PKHD1: variants seen among roughly 807,000 people sequenced by gnomAD.
The protein encoded by PKHD1 is fibrocystin.
A neutral mutation model predicts 412.0 loss-of-function variants in PKHD1; 291 were observed. The observed-to-expected ratio is 0.71, with a 90% CI of 0.64 to 0.78. PKHD1 has a LOEUF of 0.78. PKHD1 is among the 30% of genes least tolerant of loss of function. The probability of loss-of-function intolerance (pLI) is 0.00; values close to 1 mark genes in which losing one functional copy is unlikely to be tolerated. For missense variants in PKHD1, 4,825 were observed against 4,950.7 expected, an observed-to-expected ratio of 0.97 and a Z score of 0.76; for synonymous variants, 1,777 against 1,821.5, an observed-to-expected ratio of 0.98 and a Z score of 0.62.
intron 63 of PKHD1, among the ~76,000 whole-genome samples, chr6:51,640,903 T>C (rs1769260541): frequency 6.6e-6 from 1 of 152,186 alleles, no homozygotes. Flanking sequence ...GCCTTTTCAC[T>C]GAGGAGGGTC....
intron 36 of PKHD1, among the ~76,000 whole-genome samples, chr6:51,951,268 T>C (rs368607151): frequency 2.0e-5 from 3 of 152,126 alleles, no homozygotes; most frequent in African/African-American, 7.2e-5. Flanking sequence ...AGCTGTTCCA[T>C]GGCTTTCTAA....
intron 50 of PKHD1, among the ~76,000 whole-genome samples, chr6:51,838,917 G>T (rs1337934412): frequency 1.3e-5 from 2 of 152,210 alleles, no homozygotes. Context: ...CATGGAACAT[G>T]CTTAGCACAG....
chr6:51,984,630 A>G (rs1195976310), intron 35 of PKHD1, among the ~76,000 whole-genome samples: 1 of 152,232 alleles, frequency 6.6e-6, no homozygotes, highest in East Asian at 1.9e-4. Flanking sequence ...TCAGTATGAA[A>G]TTCAGAACTG....
intron 52 of PKHD1, among the ~76,000 whole-genome samples, chr6:51,824,912 G>C (rs1767067429): frequency 6.6e-6 from 1 of 152,104 alleles, no homozygotes; most frequent in South Asian, 2.1e-4. Flanking sequence ...TTGGAGAGTT[G>C]ACAAATACCA....
chr6:51,627,147 T>C, intron 65 of PKHD1, 31 bp from the exon 66 acceptor site: 1 of 1,596,760 alleles, frequency 6.3e-7, no homozygotes, highest in Non-Finnish European at 8.5e-7. Flanking sequence ...AAGGATTTTT[T>C]TGTTCAGTTG....
chr6:51,666,287 T>TA (rs1384793140), intron 60 of PKHD1, among the ~76,000 whole-genome samples: 1 of 152,170 alleles, frequency 6.6e-6, no homozygotes, highest in African/African-American at 2.4e-5. Flanking sequence ...ACAAACATGA[T>TA]AAAATCTAGG....
At chr6:51,643,564 A>G (rs971370256) in intron 63 of PKHD1, among the ~76,000 whole-genome samples, 8 of 152,184 alleles carry the variant, frequency 5.3e-5, no homozygotes, top group Admixed American at 2.6e-4. Flanking sequence ...TGGATTGTAT[A>G]AAGAGAACGT....
intron 35 of PKHD1, among the ~76,000 whole-genome samples, chr6:51,995,900 G>A (rs986548452): frequency 6.6e-6 from 1 of 152,036 alleles, no homozygotes; most frequent in Admixed American, 6.6e-5. Flanking sequence ...ATAGTTTTTG[G>A]TTGTCTCTCA....
At chr6:52,040,599 A>G (rs1051874476) in intron 27 of PKHD1, among the ~76,000 whole-genome samples, 21 of 151,980 alleles carry the variant, frequency 1.4e-4, no homozygotes, top group Non-Finnish European at 1.5e-5. Context: ...CCCTCACTCA[A>G]TCTACTCCAG....
intron 36 of PKHD1, among the ~76,000 whole-genome samples, chr6:51,950,032 C>T (rs1179521929): frequency 6.6e-6 from 1 of 151,632 alleles, no homozygotes; most frequent in Non-Finnish European, 1.5e-5. Flanking sequence ...GCCAGAATCA[C>T]TTTAACGGTA....
chr6:51,659,513 A>C lies in PKHD1; in HGVS notation c.10613T>G (p.Ile3538Ser). Residue 3538 changes from isoleucine to serine, a missense_variant, in exon 61 of 67, where the codon ATC becomes AGC. Transcript: ENST00000371117. ...NESIGANYFNIMDNLLYVVLQ... is the reference protein window; with the variant it reads ...NESIGANYFNSMDNLLYVVLQ... ...GACAACATACAAGAGGTTATCCATG[A>C]TGTTGAAATAGTTGGCACCAATAGA... 6.2e-7 allele frequency: 1 copy of C among 1,613,662 alleles called. No individual in the cohort carries two copies. The highest frequency in any genetic ancestry group is 8.5e-7 in the Non-Finnish European group (1 of 1,179,796).
intron 53 of PKHD1, among the ~76,000 whole-genome samples, chr6:51,785,161 G>A: frequency 6.6e-6 from 1 of 152,174 alleles, no homozygotes; most frequent in Non-Finnish European, 1.5e-5. Context: ...GAGGTGGGAG[G>A]AGGTAAAGGA....
At chr6:52,000,208 C>T (rs914067411) in intron 35 of PKHD1, among the ~76,000 whole-genome samples, 2 of 152,146 alleles carry the variant, frequency 1.3e-5, no homozygotes, top group Non-Finnish European at 2.9e-5. Context: ...CTTGAGATTA[C>T]AAAACTGAGT....
intron 49 of PKHD1, among the ~76,000 whole-genome samples, chr6:51,849,457 G>A (rs757446551): frequency 1.3e-5 from 2 of 152,146 alleles, no homozygotes; most frequent in East Asian, 1.9e-4. Context: ...CTAGGTCCTT[G>A]AGGAATTGCC....
At chr6:51,795,122 G>A (rs896075885) in intron 52 of PKHD1, among the ~76,000 whole-genome samples, 1 of 152,104 alleles carries the variant, frequency 6.6e-6, no homozygotes, top group African/African-American at 2.4e-5. Context: ...TAGATAGTAT[G>A]GCCATTTTCA....
Position 52,054,116 on chromosome 6 carries a change from A to G in PKHD1, c.1886T>C (p.Val629Ala). The G allele has an allele frequency of 6.2e-7, 1 of 1,613,790 alleles. No individual in the cohort carries two copies. Among genetic ancestry groups the G allele is most frequent in the Non-Finnish European group, 8.5e-7 (1 of 1,179,690 alleles). Residue 629 changes from valine (V) to alanine (A), a missense_variant, in exon 20 of 67, where the codon GTG becomes GCG. Coordinates refer to ENST00000371117, the MANE Select transcript of PKHD1 (RefSeq NM_138694.4). ...GHMNKILKMI[V>A]SFTIGFQNMV... ...GTTTTGAAAGCCGATTGTGAAGGAC[A>G]CAATCATCTTCAGGATCTTGTTCAT...
At chr6:51,622,663 A>C (rs939078822) in intron 66 of PKHD1, 1 of 152,240 alleles carries the variant, frequency 6.6e-6, no homozygotes, top group African/African-American at 2.4e-5. Context: ...AAAATTAGAG[A>C]AAAATAAAAA....
At chr6:52,020,134 G>C (rs1346649074) in intron 33 of PKHD1, among the ~76,000 whole-genome samples, 1 of 152,168 alleles carries the variant, frequency 6.6e-6, no homozygotes, top group Non-Finnish European at 1.5e-5. Flanking sequence ...CTTGGTAAAT[G>C]AGAGAAGTTA....
intron 45 of PKHD1, among the ~76,000 whole-genome samples, chr6:51,885,313 T>C (rs1202846640): frequency 6.6e-6 from 1 of 152,192 alleles, no homozygotes; most frequent in African/African-American, 2.4e-5. Context: ...GAAGAAAATT[T>C]AGCTTATTTC....
Sources: gnomAD v4.1 joint callset for allele counts (sites outside exome capture counted in the v4.1 genomes callset) on GRCh38, gnomAD v4.1.1 for gene constraint, MANE v1.5 for transcripts, NCBI Gene and HGNC (gene_info 2026-07-23, HGNC 2026-07-21) for gene names.